SMOX: variants seen among roughly 807,000 people sequenced by gnomAD.
The protein encoded by SMOX is flavin containing amine oxidase.
A neutral mutation model predicts 51.0 loss-of-function variants in SMOX; 22 were observed. The observed-to-expected ratio is 0.43, with a 90% confidence interval of 0.31 to 0.62. The LOEUF is 0.62. Ranked by LOEUF, SMOX falls within the 20% of genes least tolerant of loss-of-function variation. SMOX has a pLI of 0.10. For synonymous variants in SMOX, 282 were observed against 307.8 expected (o/e 0.92, Z 0.88); for missense variants, 566 against 777.7 (o/e 0.73, Z 3.24).
At chr20:4,158,744 A>G (rs908439768) in intron 1 of SMOX, among the ~76,000 whole-genome samples, 2 of 151,654 alleles carry the variant, frequency 1.3e-5, no homozygotes, top group Non-Finnish European at 2.9e-5. Flanking sequence ...CCTTTCGTCA[A>G]CCCCATGGCT....
At position 4,182,120 on chromosome 20, in the gene SMOX, T is replaced by C. The variant is rs1227011365; in HGVS notation, c.641T>C (p.Met214Thr). ...AGCTGTGAGAGCAGCTCACACAGCA[T>C]GGACGAGGTGTCCCTGAGCGCCTTC... ...VESCESSSHS[M>T]DEVSLSAFGE... The change falls in exon 5 of 7, where the codon ATG (methionine) becomes ACG (threonine). Residue 214 changes from methionine to threonine, a missense_variant. By Grantham distance (81) the Met-to-Thr change is moderately conservative (BLOSUM62 -1). Coordinates refer to ENST00000305958, the MANE Select transcript of SMOX (RefSeq NM_175839.3). This position sits in a 1 kb window ranked among gnomAD's most constrained non-coding sequence, Gnocchi z 8.4. 6.2e-7 allele frequency: 1 copy of C among 1,603,302 alleles called. No homozygotes were observed. The highest frequency in any genetic ancestry group is 1.1e-5 in the South Asian group (1 of 89,636).
chr20:4,152,617 C>T (rs1227634882), intron 1 of SMOX, among the ~76,000 whole-genome samples: 1 of 151,908 alleles, frequency 6.6e-6, no homozygotes, highest in Non-Finnish European at 1.5e-5. Flanking sequence ...AGACCTTGAG[C>T]TGGGATAGGT....
chr20:4,169,876 G>T (rs1445630246), intron 1 of SMOX, among the ~76,000 whole-genome samples: 3 of 152,164 alleles, frequency 2.0e-5, no homozygotes, highest in Non-Finnish European at 4.4e-5. Flanking sequence ...AGGCCTTCAG[G>T]TGGGCGGGGC....
Position 4,176,820 on chromosome 20 carries a change from T to C in SMOX, c.209-531T>C, listed in dbSNP as rs188766115. Among the ~76,000 whole-genome samples, 684 of 152,320 alleles carry C rather than the reference T, an allele frequency of 4.5e-3. 3 individuals carry two copies. The highest frequency in any genetic ancestry group is 6.5e-3 in the Non-Finnish European group (444 of 68,014). ...AGGATGTAGAGGGCTTCACTTTCCCTGGAAATGTGCTTTAGATTGCTTTTT... is the reference window on the plus strand; with the variant it reads ...AGGATGTAGAGGGCTTCACTTTCCCCGGAAATGTGCTTTAGATTGCTTTTT... On this transcript the variant is annotated intron_variant, in intron 2 of 6. Coordinates refer to ENST00000305958, the MANE Select transcript of SMOX (RefSeq NM_175839.3).
intron 1 of SMOX, among the ~76,000 whole-genome samples, chr20:4,169,132 TTTTG>T (rs553481893): frequency 4.0e-4 from 61 of 152,048 alleles, no homozygotes; most frequent in African/African-American, 1.4e-3. Flanking sequence ...ATTTTTATTT[TTTTG>T]TTTATGTTTC....
intron 3 of SMOX, among the ~76,000 whole-genome samples, chr20:4,180,111 C>T (rs893861205): frequency 3.3e-5 from 5 of 152,202 alleles, no homozygotes; most frequent in Admixed American, 6.5e-5. Context: ...AAATTGAAAG[C>T]CTGACCCTTG....
At chr20:4,160,824 C>G (rs993395746) in intron 1 of SMOX, among the ~76,000 whole-genome samples, 5 of 152,190 alleles carry the variant, frequency 3.3e-5, no homozygotes, top group Non-Finnish European at 7.3e-5. Context: ...GCTCAGACAG[C>G]TCTGACACTG....
chr20:4,186,397 T>C (rs1055616078), intron 6 of SMOX, among the ~76,000 whole-genome samples: 1 of 152,202 alleles, frequency 6.6e-6, no homozygotes, highest in African/African-American at 2.4e-5. Context: ...AAAGTCCAAA[T>C]GCAAACTTGG....
At chr20:4,176,323 T>C (rs1215700919) in intron 2 of SMOX, among the ~76,000 whole-genome samples, 2 of 152,136 alleles carry the variant, frequency 1.3e-5, no homozygotes, top group East Asian at 1.9e-4. Flanking sequence ...CCTACAGCAT[T>C]TCCTGCAAGG....
chr20:4,181,723 G>A lies in SMOX; in HGVS notation c.436-80G>A. 1 of 1,520,262 alleles carries A rather than the reference G, an allele frequency of 6.6e-7. No homozygotes were observed. Among genetic ancestry groups the A allele is most frequent in the Non-Finnish European group, 9.0e-7 (1 of 1,116,990 alleles). The allele number at this position is 1,520,262 out of a possible 1,614,324, so 94.2% of individuals were successfully genotyped here. A position where few individuals can be genotyped will look rare whatever the true frequency, so the allele number is the denominator to read the frequency against. ...TGCATCCAGGGGACACCTGGGAACT[G>A]GTGGGTTTGGGTTGGGGGCCTTCTG... On this transcript the variant is annotated intron_variant, in intron 3 of 6. Coordinates refer to ENST00000305958, the MANE Select transcript of SMOX (RefSeq NM_175839.3). This position sits in a 1 kb window ranked among gnomAD's most constrained non-coding sequence, Gnocchi z 5.6.
intron 1 of SMOX, among the ~76,000 whole-genome samples, chr20:4,150,870 C>T (rs941114538): frequency 2.3e-4 from 27 of 118,386 alleles, no homozygotes; most frequent in Admixed American, 9.2e-4. Flanking sequence ...TCGCTCTTTT[C>T]GCCCAGGCTG....
chr20:4,176,452 TAGG>T (rs935378593), intron 2 of SMOX, among the ~76,000 whole-genome samples: 2 of 152,184 alleles, frequency 1.3e-5, no homozygotes, highest in Non-Finnish European at 2.9e-5. Flanking sequence ...TGTACAAAGA[TAGG>T]AGGAATCATT....
At chr20:4,163,601 A>G (rs1326144693) in intron 1 of SMOX, among the ~76,000 whole-genome samples, 1 of 152,230 alleles carries the variant, frequency 6.6e-6, no homozygotes, top group Non-Finnish European at 1.5e-5. Context: ...GGAATTTGGT[A>G]GCAGTTTAGT....
At position 4,181,761 on chromosome 20, in the gene SMOX, G is replaced by A. The variant is rs1191573368; in HGVS notation, c.436-42G>A. 2 of 1,594,936 alleles carry A rather than the reference G, an allele frequency of 1.3e-6. No homozygotes were observed. The highest frequency in any genetic ancestry group is 1.7e-6 in the Non-Finnish European group (2 of 1,169,322). On this transcript the variant is annotated intron_variant, in intron 3 of 6. Transcript: ENST00000305958. The surrounding 1 kb of genome is among the most constrained non-coding windows in gnomAD (Gnocchi z 5.6). ...TGGGGGCCTTCTGTTTGAGATGGAG[G>A]TGTGATGAGGTGTTTTCAGTCTCAT...
chr20:4,157,296 G>A (rs1986060856), intron 1 of SMOX, among the ~76,000 whole-genome samples: 1 of 152,158 alleles, frequency 6.6e-6, no homozygotes, highest in Non-Finnish European at 1.5e-5. Context: ...TGACATGGCT[G>A]GAGGAGGGAC....
intron 1 of SMOX, among the ~76,000 whole-genome samples, chr20:4,151,617 G>A (rs1006657163): frequency 3.9e-5 from 6 of 152,092 alleles, no homozygotes; most frequent in Admixed American, 1.3e-4. Flanking sequence ...TGCCAGGAGT[G>A]TTTTCCAGTG....
intron 3 of SMOX, among the ~76,000 whole-genome samples, chr20:4,179,827 G>A (rs1316063541): frequency 6.6e-6 from 1 of 152,192 alleles, no homozygotes; most frequent in Non-Finnish European, 1.5e-5. Flanking sequence ...AGTGCTTAAT[G>A]AGAATTGGGG....
At chr20:4,160,397 T>C (rs1488026650) in intron 1 of SMOX, among the ~76,000 whole-genome samples, 1 of 152,134 alleles carries the variant, frequency 6.6e-6, no homozygotes, top group Non-Finnish European at 1.5e-5. Flanking sequence ...CTGGGGAGGC[T>C]GAGTAGGGGG....
At chr20:4,176,559 A>G (rs1978870511) in intron 2 of SMOX, among the ~76,000 whole-genome samples, 1 of 152,132 alleles carries the variant, frequency 6.6e-6, no homozygotes, top group East Asian at 1.9e-4. Context: ...TTTTCCTTTC[A>G]TTGTTTCGGC....
Sources: allele counts gnomAD v4.1 joint callset (sites outside exome capture counted in the v4.1 genomes callset), GRCh38; gene constraint gnomAD v4.1.1; non-coding constraint Gnocchi (gnomAD v3.1); transcripts MANE v1.5; gene names NCBI Gene and HGNC (gene_info 2026-07-23, HGNC 2026-07-21).